Variants in ANP32A observed in about 807,000 individuals in gnomAD.
The protein encoded by ANP32A is acidic nuclear phosphoprotein 32 family member A, also known as acidic leucine-rich nuclear phosphoprotein 32 family member A.
A neutral mutation model predicts 33.9 loss-of-function variants in ANP32A; 1 was observed. That is an observed-to-expected ratio of 0.03 (90% CI 0.01 to 0.14). The LOEUF is 0.14. ANP32A is among the 10% of genes least tolerant of loss of function. The probability of loss-of-function intolerance (pLI) is 1.00; values close to 1 mark genes in which losing one functional copy is unlikely to be tolerated. For missense variants in ANP32A, 155 were observed against 306.0 expected (o/e 0.51, Z 3.68); for synonymous variants, 115 against 120.5 (o/e 0.95, Z 0.30).
At chr15:68,802,819 A>ATTTTTTTTTTTTTTTTTTTTTTTTTT in intron 1 of ANP32A, among the ~76,000 whole-genome samples, 1 of 151,906 alleles carries the variant, frequency 6.6e-6, no homozygotes, top group Non-Finnish European at 1.5e-5. Context: ...TGCCCGGCTA[A>ATTTTTTTTTTTTTTTTTTTTTTTTTT]TTTTTTATAT....
intron 1 of ANP32A, among the ~76,000 whole-genome samples, chr15:68,809,030 G>A (rs928385505): frequency 5.9e-5 from 9 of 152,188 alleles, no homozygotes; most frequent in African/African-American, 2.2e-4. Context: ...CTGAGTCTAT[G>A]GCTGATGGAA....
At chr15:68,819,233 C>T (rs1894436685) in intron 1 of ANP32A, among the ~76,000 whole-genome samples, 4 of 152,116 alleles carry the variant, frequency 2.6e-5, no homozygotes, top group Admixed American at 2.6e-4. Flanking sequence ...TGGGGGCGTC[C>T]TCCCGCCAGC....
rs571239868 is a variant in ANP32A at position 68,779,761 on chromosome 15, A to G, written c.*320T>C. 1 of 268,380 alleles carries G rather than the reference A, an allele frequency of 3.7e-6. No individual in the cohort carries two copies. Among genetic ancestry groups the G allele is most frequent in the African/African-American group, 2.2e-5 (1 of 44,958 alleles). 16.6% of individuals were successfully genotyped at this position (268,380 alleles called of 1,614,324 possible). On this transcript the variant is annotated 3_prime_UTR_variant, in exon 7 of 7. Coordinates refer to ENST00000465139, the MANE Select transcript of ANP32A (RefSeq NM_006305.4). ...ACCAGGAAACGTAAGAGAACTCCAAACCATCCTCTTTGAGAGTCAGGAACA... is the reference window on the plus strand; with the variant it reads ...ACCAGGAAACGTAAGAGAACTCCAAGCCATCCTCTTTGAGAGTCAGGAACA...
intron 1 of ANP32A, among the ~76,000 whole-genome samples, chr15:68,793,295 A>G (rs1894021300): frequency 6.6e-6 from 1 of 152,236 alleles, no homozygotes; most frequent in Non-Finnish European, 1.5e-5. Context: ...AGTATGACGA[A>G]TAAATGTTGA....
rs1203189289 is a variant in ANP32A at position 68,778,659 on chromosome 15, T to A, written c.*1422A>T. 6.6e-6 allele frequency: 1 copy of A among 150,426 alleles called. No homozygotes were observed. The highest frequency in any genetic ancestry group is 1.5e-5 in the Non-Finnish European group (1 of 68,010). 9.3% of individuals were successfully genotyped at this position (150,426 alleles called of 1,614,324 possible). On this transcript the variant is annotated 3_prime_UTR_variant, in exon 7 of 7. Coordinates refer to ENST00000465139, the MANE Select transcript of ANP32A (RefSeq NM_006305.4). ...TTCCAAGGTTGGCCCAACTTGATTGTTTGGGTACTTGTTTTTTTAGTAACT... is the reference window on the plus strand; with the variant it reads ...TTCCAAGGTTGGCCCAACTTGATTGATTGGGTACTTGTTTTTTTAGTAACT...
chr15:68,781,842 G>T (rs1893872059), intron 5 of ANP32A, among the ~76,000 whole-genome samples: 1 of 152,162 alleles, frequency 6.6e-6, no homozygotes, highest in Non-Finnish European at 1.5e-5. Flanking sequence ...GACCTCAAGT[G>T]ATCCGCCCGC....
intron 1 of ANP32A, among the ~76,000 whole-genome samples, chr15:68,806,560 C>G (rs372252907): frequency 1.3e-5 from 2 of 152,242 alleles, no homozygotes; most frequent in East Asian, 3.8e-4. Flanking sequence ...CAAAGACACA[C>G]CAGTACTTTT....
chr15:68,782,448 T>G (rs1893881240), intron 5 of ANP32A, among the ~76,000 whole-genome samples: 2 of 152,090 alleles, frequency 1.3e-5, no homozygotes, highest in South Asian at 4.1e-4. Context: ...CCCTCACAGA[T>G]CTTGTTAAAA....
chr15:68,786,782 A>ATC (rs1313560865), intron 3 of ANP32A, among the ~76,000 whole-genome samples: 1 of 152,150 alleles, frequency 6.6e-6, no homozygotes, highest in Admixed American at 6.5e-5. Flanking sequence ...GGGGATGTCT[A>ATC]TCTCTACAAG....
chr15:68,814,783 T>C (rs1490989799), intron 1 of ANP32A, among the ~76,000 whole-genome samples: 1 of 146,366 alleles, frequency 6.8e-6, no homozygotes, highest in Non-Finnish European at 1.5e-5. Flanking sequence ...AACTAGAGAT[T>C]CCAGGATTAT....
chr15:68,820,467 G>C (rs2140378801), intron 1 of ANP32A, among the ~76,000 whole-genome samples: 1 of 152,176 alleles, frequency 6.6e-6, no homozygotes, highest in Non-Finnish European at 1.5e-5. Flanking sequence ...GCACACGCGG[G>C]AGCACACGCA....
intron 1 of ANP32A, among the ~76,000 whole-genome samples, chr15:68,805,975 G>GGAAT (rs1189054760): frequency 2.0e-5 from 3 of 152,158 alleles, no homozygotes; most frequent in Admixed American, 2.0e-4. Context: ...CAATGTGTGT[G>GGAAT]GAATGAATGA....
At position 68,784,155 on chromosome 15, in the gene ANP32A, T is replaced by A. The variant is rs1893903936; in HGVS notation, c.526+242A>T. The A allele has an allele frequency of 5.2e-6, 3 of 579,364 alleles. No homozygotes were observed. In the Admixed American group the frequency reaches 9.0e-5, roughly 17 times the overall value. 35.9% of individuals were successfully genotyped at this position (579,364 alleles called of 1,614,324 possible). A position where few individuals can be genotyped will look rare whatever the true frequency, so the allele number is the denominator to read the frequency against. On this transcript the variant is annotated intron_variant, in intron 4 of 6. Transcript: ENST00000465139. ...CAGGATATTTCCATGAGCATGGGAC[T>A]CATGCTTTGTTCTTTTAGGGAAGTC... is the stretch of plus-strand genomic sequence containing the variant.
chr15:68,818,042 A>G (rs1229898867), intron 1 of ANP32A, among the ~76,000 whole-genome samples: 5 of 152,100 alleles, frequency 3.3e-5, no homozygotes, highest in South Asian at 2.1e-4. Flanking sequence ...GTTAAAAAAA[A>G]TAAATAAATA....
At chr15:68,787,603 C>T (rs1416055706) in intron 2 of ANP32A, 68 bp from the exon 3 acceptor site, 19 of 1,608,896 alleles carry the variant, frequency 1.2e-5, no homozygotes, top group Non-Finnish European at 1.6e-5. Context: ...TCAGAGCTGC[C>T]CGGCTTTCCC....
chr15:68,817,001 G>A (rs1286012567), intron 1 of ANP32A, among the ~76,000 whole-genome samples: 4 of 152,208 alleles, frequency 2.6e-5, no homozygotes, highest in African/African-American at 7.2e-5. Flanking sequence ...GTATTCCAAA[G>A]GTCAAAGTAA....
Position 68,813,588 on chromosome 15 carries a change from T to C in ANP32A, c.54+7110A>G, listed in dbSNP as rs186504130. On this transcript the variant is annotated intron_variant, in intron 1 of 6. Coordinates refer to ENST00000465139, the MANE Select transcript of ANP32A (RefSeq NM_006305.4). ...GTGGTGCTGGGGGACTGGGAGAGGG[T>C]AGTTCCTAGGAGACCAGAGAACTAG... 3.3e-5 allele frequency among the ~76,000 whole-genome samples: 5 copies of C among 152,278 alleles called. No individual in the cohort carries two copies. The East Asian group carries it at 9.6e-4, about 29-fold the overall frequency.
At chr15:68,818,447 CGCTA>C (rs1894420072) in intron 1 of ANP32A, 1 of 154,432 alleles carries the variant, frequency 6.5e-6, no homozygotes, top group Admixed American at 6.5e-5. Context: ...GTCCCTCTTT[CGCTA>C]GCTTTCTCCC....
intron 1 of ANP32A, among the ~76,000 whole-genome samples, chr15:68,820,220 G>C (rs1894452974): frequency 6.6e-6 from 1 of 152,128 alleles, no homozygotes; most frequent in South Asian, 2.1e-4. Flanking sequence ...GGGGGGAGGC[G>C]CGGGAGGGGG....
Sources: allele counts gnomAD v4.1 joint callset (sites outside exome capture counted in the v4.1 genomes callset), GRCh38; gene constraint gnomAD v4.1.1; transcripts MANE v1.5; gene names NCBI Gene and HGNC (gene_info 2026-07-23, HGNC 2026-07-21).